Variants in WWOX observed in about 807,000 individuals in gnomAD.
WWOX encodes the protein WW domain containing oxidoreductase.
Under a neutral mutation model 46.2 loss-of-function variants are expected in WWOX, and 69 were observed. The observed-to-expected ratio is 1.49, with a 90% CI of 1.23 to 1.82. The LOEUF is 1.82. WWOX is among the 40% of genes most tolerant of loss of function. WWOX has a pLI of 0.00. For missense variants in WWOX, 919 were observed against 542.6 expected (o/e 1.69, Z -6.89); for synonymous variants, 359 against 202.6 (o/e 1.77, Z -6.56).
intron 1 of WWOX, chr16:78,100,143 G>A: frequency 1.5e-6 from 2 of 1,325,424 alleles, no homozygotes; most frequent in East Asian, 3.5e-5. Context: ...TGCGCGGCGC[G>A]GCGAGGGCAA....
At chr16:79,096,792 T>C (rs2049083474) in intron 8 of WWOX, among the ~76,000 whole-genome samples, 1 of 152,186 alleles carries the variant, frequency 6.6e-6, no homozygotes, top group African/African-American at 2.4e-5. Flanking sequence ...TCATAGGTGC[T>C]TAGCAAATTT....
At chr16:78,283,846 T>C (rs1055283704) in intron 5 of WWOX, among the ~76,000 whole-genome samples, 1 of 152,238 alleles carries the variant, frequency 6.6e-6, no homozygotes, top group Non-Finnish European at 1.5e-5. Context: ...CTTTATTGGA[T>C]ATTGTAATTG....
chr16:78,406,587 G>T (rs1427699898), intron 6 of WWOX, among the ~76,000 whole-genome samples: 2 of 149,812 alleles, frequency 1.3e-5, no homozygotes, highest in Non-Finnish European at 3.0e-5. Flanking sequence ...CTGACCTCGT[G>T]ATCCGCCTGC....
chr16:79,197,026 A>G (rs2051254118), intron 8 of WWOX, among the ~76,000 whole-genome samples: 1 of 152,164 alleles, frequency 6.6e-6, no homozygotes, highest in African/African-American at 2.4e-5. Context: ...CGTTTCTAGA[A>G]TGATATTTAG....
chr16:78,375,346 G>T (rs1464949315), intron 5 of WWOX, among the ~76,000 whole-genome samples: 1 of 152,172 alleles, frequency 6.6e-6, no homozygotes, highest in Non-Finnish European at 1.5e-5. Context: ...GTTTCCAAAT[G>T]GCTTATGGTA....
chr16:78,595,056 T>G (rs3021398), intron 8 of WWOX, among the ~76,000 whole-genome samples: 68,048 of 152,108 alleles, frequency 0.45, 18,428 homozygotes, highest in Non-Finnish European at 0.59. Flanking sequence ...TCAAGAGGCT[T>G]GGGGACCCCA....
intron 8 of WWOX, among the ~76,000 whole-genome samples, chr16:79,022,198 C>G (rs544021273): frequency 6.6e-6 from 1 of 152,292 alleles, no homozygotes; most frequent in South Asian, 2.1e-4. Context: ...GTTGCAAAGA[C>G]TGGGGATGGA....
Position 78,917,611 on chromosome 16 carries a change from C to G in WWOX, c.1057-293997C>G, listed in dbSNP as rs942769616. ...TATTTTCATTCTTTTGCAGCTGCAG[C>G]CCTTCTACTTGAACTTTCCCACTCA... On this transcript the variant is annotated intron_variant, in intron 8 of 8. Coordinates refer to ENST00000566780, the MANE Select transcript of WWOX (RefSeq NM_016373.4). 2.0e-5 allele frequency among the ~76,000 whole-genome samples: 3 copies of G among 152,004 alleles called. No individual in the cohort carries two copies. In the East Asian group the frequency reaches 5.8e-4, roughly 29 times the overall value.
At chr16:78,555,003 C>G (rs527399634) in intron 8 of WWOX, among the ~76,000 whole-genome samples, 1 of 152,134 alleles carries the variant, frequency 6.6e-6, no homozygotes, top group African/African-American at 2.4e-5. Context: ...CCAGCAGGGC[C>G]TGGCAGACAA....
At chr16:78,655,114 G>A (rs566843112) in intron 8 of WWOX, among the ~76,000 whole-genome samples, 2 of 152,180 alleles carry the variant, frequency 1.3e-5, no homozygotes, top group Admixed American at 6.5e-5. Context: ...GTATTTTACA[G>A]TTAAGGAAAC....
chr16:79,189,044 A>G (rs2051075543), intron 8 of WWOX, among the ~76,000 whole-genome samples: 1 of 152,230 alleles, frequency 6.6e-6, no homozygotes, highest in African/African-American at 2.4e-5. Context: ...TTGCAGGTGA[A>G]AAAGAAAAGA....
intron 8 of WWOX, among the ~76,000 whole-genome samples, chr16:78,789,832 A>G (rs1403626657): frequency 1.3e-5 from 2 of 152,020 alleles, no homozygotes; most frequent in African/African-American, 4.8e-5. Flanking sequence ...TAGGGGATAT[A>G]TTTTCGTTAA....
chr16:78,847,195 T>A (rs1422496441), intron 8 of WWOX, among the ~76,000 whole-genome samples: 3 of 152,238 alleles, frequency 2.0e-5, no homozygotes, highest in Non-Finnish European at 4.4e-5. Flanking sequence ...AGAACTAAGA[T>A]CTAGGTGCTA....
At chr16:78,776,876 A>G (rs1400488391) in intron 8 of WWOX, among the ~76,000 whole-genome samples, 2 of 152,046 alleles carry the variant, frequency 1.3e-5, no homozygotes, top group East Asian at 3.9e-4. Flanking sequence ...GAATGGGGGA[A>G]CCACCCCCAT....
At chr16:78,595,323 C>G (rs2045462482) in intron 8 of WWOX, among the ~76,000 whole-genome samples, 1 of 151,750 alleles carries the variant, frequency 6.6e-6, no homozygotes, top group Non-Finnish European at 1.5e-5. Flanking sequence ...AATATGGAAC[C>G]AAAGCCTGTG....
chr16:78,639,228 A>G (rs1238402680), intron 8 of WWOX, among the ~76,000 whole-genome samples: 3 of 152,178 alleles, frequency 2.0e-5, no homozygotes, highest in Non-Finnish European at 2.9e-5. Context: ...AAAGTCCTGT[A>G]GGCCCAGGCA....
At chr16:79,034,739 A>G (rs1597307751) in intron 8 of WWOX, among the ~76,000 whole-genome samples, 1 of 151,964 alleles carries the variant, frequency 6.6e-6, no homozygotes, top group African/African-American at 2.4e-5. Flanking sequence ...ATCAGAGCAT[A>G]CCTGCCGTGC....
chr16:78,391,992 C>G (rs1300441236), intron 6 of WWOX, among the ~76,000 whole-genome samples: 1 of 138,360 alleles, frequency 7.2e-6, no homozygotes, highest in Admixed American at 7.3e-5. Flanking sequence ...TAGGTTTTGT[C>G]TCCTTTTTTT....
At chr16:78,171,058 A>C (rs1026180352) in intron 5 of WWOX, among the ~76,000 whole-genome samples, 1 of 152,234 alleles carries the variant, frequency 6.6e-6, no homozygotes. Flanking sequence ...ATTGATTAGC[A>C]TCGGAAATAA....
Sources: allele counts gnomAD v4.1 joint callset (sites outside exome capture counted in the v4.1 genomes callset), GRCh38; gene constraint gnomAD v4.1.1; transcripts MANE v1.5; gene names NCBI Gene and HGNC (gene_info 2026-07-23, HGNC 2026-07-21).